Variants in SLC67A1 observed in about 807,000 individuals in gnomAD.
SLC67A1 encodes solute carrier family 67 member A1.
At chr11:2,918,622 G>A in the SLC67A1 span, among the ~76,000 whole-genome samples, 1,642 of 152,326 alleles carry the variant, frequency 0.011, 33 homozygotes, top group African/African-American at 0.037. Flanking sequence ...AACTGGCACC[G>A]GCCCCTGTCC....
chr11:2,914,169 G>C, the SLC67A1 span, among the ~76,000 whole-genome samples: 1 of 152,224 alleles, frequency 6.6e-6, no homozygotes, highest in Non-Finnish European at 1.5e-5. Flanking sequence ...AGACACTCCT[G>C]TAATCCATTC....
the SLC67A1 span, chr11:2,924,949 G>A: frequency 2.0e-6 from 3 of 1,486,702 alleles, no homozygotes; most frequent in Non-Finnish European, 2.7e-6. This position sits in a 1 kb window ranked among gnomAD's most constrained non-coding sequence, Gnocchi z 8.6. Flanking sequence ...GCTGTGTTCA[G>A]GAAGTGGGCA....
chr11:2,903,504 C>G, the SLC67A1 span: 1 of 1,612,758 alleles, frequency 6.2e-7, no homozygotes, highest in East Asian at 2.2e-5. Flanking sequence ...GTAACACACC[C>G]CAGCCCCTGC....
At chr11:2,901,818 AG>A in the SLC67A1 span, among the ~76,000 whole-genome samples, 91 of 152,278 alleles carry the variant, frequency 6.0e-4, 1 homozygote, top group Non-Finnish European at 9.4e-4. Context: ...GACCTTTGGC[AG>A]GGCCAGGCTA....
At chr11:2,916,366 A>C in the SLC67A1 span, 2 of 421,220 alleles carry the variant, frequency 4.7e-6, no homozygotes, top group Non-Finnish European at 8.4e-6. Flanking sequence ...CACAGCTGCT[A>C]CCCACAGGGG....
chr11:2,916,940 G>A, the SLC67A1 span: 1 of 589,266 alleles, frequency 1.7e-6, no homozygotes, highest in Non-Finnish European at 3.1e-6. Context: ...AGGTGGAAGT[G>A]GGGCTCCGGC....
chr11:2,909,328 G>T, the SLC67A1 span: 1 of 1,531,056 alleles, frequency 6.5e-7, no homozygotes, highest in Non-Finnish European at 8.7e-7. Flanking sequence ...CCTCGCGCCT[G>T]CCCGGAGCGC....
the SLC67A1 span, among the ~76,000 whole-genome samples, chr11:2,917,585 C>A: frequency 3.3e-5 from 5 of 152,364 alleles, no homozygotes; most frequent in South Asian, 1.0e-3. Context: ...CATTGTCTTC[C>A]TCTGGGCTGG....
At chr11:2,917,535 C>T in the SLC67A1 span, among the ~76,000 whole-genome samples, 18 of 152,220 alleles carry the variant, frequency 1.2e-4, no homozygotes, top group African/African-American at 3.6e-4. Context: ...GGCCAGGCCA[C>T]GGCGGTGACT....
chr11:2,900,778 G>T, the SLC67A1 span, among the ~76,000 whole-genome samples: 1 of 151,906 alleles, frequency 6.6e-6, no homozygotes, highest in Non-Finnish European at 1.5e-5. Context: ...CATCCATGCG[G>T]GAACACAGAT....
At chr11:2,900,143 C>A in the SLC67A1 span, among the ~76,000 whole-genome samples, 1 of 151,800 alleles carries the variant, frequency 6.6e-6, no homozygotes, top group East Asian at 1.9e-4. Flanking sequence ...GGCTTGACTG[C>A]ACTCTCCCCA....
the SLC67A1 span, chr11:2,902,459 G>A: frequency 1.1e-5 from 4 of 370,462 alleles, no homozygotes; most frequent in South Asian, 3.4e-4. Flanking sequence ...TGCCCCTGAC[G>A]TGCCTGCTGC....
the SLC67A1 span, chr11:2,899,828 C>A: frequency 1.9e-6 from 2 of 1,046,426 alleles, no homozygotes; most frequent in Non-Finnish European, 2.7e-6. Context: ...GCATCTCCAC[C>A]ACACCTCAGC....
the SLC67A1 span, among the ~76,000 whole-genome samples, chr11:2,911,396 G>A: frequency 6.6e-6 from 1 of 151,986 alleles, no homozygotes; most frequent in Non-Finnish European, 1.5e-5. Flanking sequence ...GGCAGCTCTG[G>A]TGGGACAGCA....
chr11:2,909,901 A>G, the SLC67A1 span: 8 of 582,438 alleles, frequency 1.4e-5, no homozygotes, highest in South Asian at 1.9e-4. Flanking sequence ...CTGGCCCTGG[A>G]TAGGGCCAGG....
At chr11:2,901,724 G>T in the SLC67A1 span, among the ~76,000 whole-genome samples, 1 of 152,288 alleles carries the variant, frequency 6.6e-6, no homozygotes, top group African/African-American at 2.4e-5. Flanking sequence ...GCTCTCAACT[G>T]CTCCTAGCAG....
At chr11:2,909,743 G>A in the SLC67A1 span, 6 of 1,434,114 alleles carry the variant, frequency 4.2e-6, no homozygotes, top group South Asian at 8.6e-5. Flanking sequence ...GAGTCTGTGG[G>A]TCAGGACGCC....
chr11:2,921,790 C>A, the SLC67A1 span: 1 of 265,412 alleles, frequency 3.8e-6, no homozygotes, highest in Non-Finnish European at 7.1e-6. Flanking sequence ...CGAGCCCATC[C>A]CCGGGAGCAG....
At chr11:2,908,316 G>A in the SLC67A1 span, 4 of 1,613,276 alleles carry the variant, frequency 2.5e-6, 1 homozygote, top group South Asian at 3.3e-5. Context: ...TGCTGGGCGG[G>A]CCGGTATTTG....
Sources: gnomAD v4.1 joint callset for allele counts (sites outside exome capture counted in the v4.1 genomes callset) on GRCh38, gnomAD v4.1.1 for gene constraint, Gnocchi (gnomAD v3.1) non-coding constraint, MANE v1.5 for transcripts, NCBI Gene and HGNC (gene_info 2026-07-23, HGNC 2026-07-21) for gene names.